The following BCAR3 variants were observed in gnomAD, a reference collection of about 807,000 sequenced individuals.
BCAR3 encodes the protein breast cancer anti-estrogen resistance protein 3.
BCAR3 carries 37 observed loss-of-function variants against 80.1 expected under a neutral mutation model. That is an observed-to-expected ratio of 0.46 (90% CI 0.36 to 0.61). The LOEUF (loss-of-function observed/expected upper bound fraction) is 0.61, where lower values mean the gene tolerates loss of function less well. Among genes scored for constraint, BCAR3 ranks in the 20% least tolerant of loss-of-function variants. The probability of loss-of-function intolerance (pLI) is 0.00; values close to 1 mark genes in which losing one functional copy is unlikely to be tolerated. For missense variants in BCAR3, 978 were observed against 1,068.2 expected, an observed-to-expected ratio of 0.92 and a Z score of 1.18; for synonymous variants, 389 against 418.9, an observed-to-expected ratio of 0.93 and a Z score of 0.87.
chr1:93,722,323 T>C (rs375407019), intron 2 of BCAR3, among the ~76,000 whole-genome samples: 2 of 152,240 alleles, frequency 1.3e-5, no homozygotes, highest in African/African-American at 2.4e-5. Flanking sequence ...CTATTTTAGG[T>C]AGCAGTCAAA....
chr1:93,746,163 GT>G (rs1392875456), intron 2 of BCAR3, among the ~76,000 whole-genome samples: 2 of 152,224 alleles, frequency 1.3e-5, no homozygotes, highest in Non-Finnish European at 2.9e-5. Context: ...GTAAGAAGAT[GT>G]CAAGAGCATC....
At chr1:93,767,549 T>A (rs1652198584) in intron 2 of BCAR3, among the ~76,000 whole-genome samples, 1 of 151,990 alleles carries the variant, frequency 6.6e-6, no homozygotes, top group Non-Finnish European at 1.5e-5. Flanking sequence ...AAGTTTATAC[T>A]TTTTGTGTTT....
chr1:93,711,347 G>A (rs1650016267), intron 2 of BCAR3, among the ~76,000 whole-genome samples: 1 of 152,180 alleles, frequency 6.6e-6, no homozygotes. Context: ...TGTCTGTCAG[G>A]TGACTGACCA....
chr1:93,749,378 C>T (rs370094673), intron 2 of BCAR3, among the ~76,000 whole-genome samples: 31 of 151,820 alleles, frequency 2.0e-4, no homozygotes, highest in African/African-American at 6.3e-4. Context: ...CATGAGGTCA[C>T]GAGATCGAGA....
intron 3 of BCAR3, among the ~76,000 whole-genome samples, chr1:93,640,863 T>A (rs1675954456): frequency 6.6e-6 from 1 of 152,144 alleles, no homozygotes; most frequent in African/African-American, 2.4e-5. Flanking sequence ...GACTGGCCCG[T>A]GGTAGGAGAT....
At chr1:93,709,875 T>C (rs1025109920) in intron 2 of BCAR3, among the ~76,000 whole-genome samples, 2 of 152,090 alleles carry the variant, frequency 1.3e-5, no homozygotes, top group East Asian at 1.9e-4. Context: ...CATCATGTAA[T>C]TTTTTCATAT....
Position 93,567,329 on chromosome 1 carries a change from A to G in BCAR3, c.2249T>C (p.Met750Thr), listed in dbSNP as rs746946088. 2.5e-6 allele frequency: 4 copies of G among 1,614,164 alleles called. No individual in the cohort carries two copies. Among genetic ancestry groups the G allele is most frequent in the East Asian group, 2.2e-5 (1 of 44,870 alleles). Residue 750 changes from methionine (M) to threonine (T), a missense_variant, in exon 11 of 12, where the codon ATG (methionine) becomes ACG (threonine). Transcript: ENST00000260502. ...CCGGTAGCTGTCTGCAGCCTCGGCCATGAATCGCGCTGTTGCCAAATGGTT... is the reference window on the plus strand; with the variant it reads ...CCGGTAGCTGTCTGCAGCCTCGGCCGTGAATCGCGCTGTTGCCAAATGGTT... ...MLNHLATARFMAEAADSYRMN... is the reference protein window; with the variant it reads ...MLNHLATARFTAEAADSYRMN...
At chr1:93,733,388 G>A (rs142814242) in intron 2 of BCAR3, among the ~76,000 whole-genome samples, 2,080 of 152,276 alleles carry the variant, frequency 0.014, 25 homozygotes, top group Non-Finnish European at 0.022. Context: ...CAGTGGAGGG[G>A]GATTAAGGAC....
chr1:93,679,259 G>C (rs1039821105), intron 1 of BCAR3, among the ~76,000 whole-genome samples: 2 of 152,198 alleles, frequency 1.3e-5, no homozygotes, highest in African/African-American at 4.8e-5. Flanking sequence ...GCAGGACAGG[G>C]GCTGCTCTTA....
chr1:93,844,429 C>T (rs1321534841), intron 2 of BCAR3, among the ~76,000 whole-genome samples: 2 of 152,198 alleles, frequency 1.3e-5, no homozygotes, highest in African/African-American at 4.8e-5. Flanking sequence ...ATAACCCATG[C>T]TTTGACTCCC....
At chr1:93,735,392 G>A (rs965891917) in intron 2 of BCAR3, among the ~76,000 whole-genome samples, 1 of 152,196 alleles carries the variant, frequency 6.6e-6, no homozygotes, top group Non-Finnish European at 1.5e-5. Flanking sequence ...ACTCAAAGCC[G>A]TGAGCTCTGT....
intron 5 of BCAR3, 73 bp downstream of exon 5, chr1:93,588,904 A>G: frequency 7.1e-7 from 1 of 1,417,242 alleles, no homozygotes; most frequent in Non-Finnish European, 9.5e-7. Flanking sequence ...TCCATGATGA[A>G]TTCTTCACCT....
At chr1:93,637,009 T>C (rs1171424285) in intron 3 of BCAR3, among the ~76,000 whole-genome samples, 1 of 151,988 alleles carries the variant, frequency 6.6e-6, no homozygotes, top group Non-Finnish European at 1.5e-5. Flanking sequence ...GGTGGGAGGA[T>C]TGCTTGAGCC....
intron 3 of BCAR3, among the ~76,000 whole-genome samples, chr1:93,701,599 C>G (rs570354282): frequency 4.6e-5 from 7 of 152,346 alleles, no homozygotes; most frequent in South Asian, 2.1e-4. Flanking sequence ...AGACACTGCA[C>G]AGACCAACCA....
chr1:93,665,496 C>T (rs1182676505), intron 2 of BCAR3, among the ~76,000 whole-genome samples: 2 of 152,096 alleles, frequency 1.3e-5, no homozygotes, highest in Non-Finnish European at 2.9e-5. Flanking sequence ...CTGCTGACTC[C>T]CTGGAACAAA....
chr1:93,796,521 C>A (rs989592068), intron 2 of BCAR3, among the ~76,000 whole-genome samples: 4 of 150,508 alleles, frequency 2.7e-5, no homozygotes, highest in Non-Finnish European at 5.9e-5. Flanking sequence ...GGCTCGCGCA[C>A]GGTGCGCGCA....
At chr1:93,580,072 C>T (rs887003824) in intron 7 of BCAR3, among the ~76,000 whole-genome samples, 12 of 152,326 alleles carry the variant, frequency 7.9e-5, no homozygotes, top group Admixed American at 3.9e-4. Flanking sequence ...AGTCCACCCT[C>T]AGCCCCACCT....
At chr1:93,584,442 T>C (rs1033576623) in intron 5 of BCAR3, among the ~76,000 whole-genome samples, 15 of 152,092 alleles carry the variant, frequency 9.9e-5, no homozygotes, top group Non-Finnish European at 1.8e-4. Flanking sequence ...CCCGGGAAAA[T>C]CTGATGAACT....
chr1:93,833,355 T>C (rs550210340), intron 2 of BCAR3, among the ~76,000 whole-genome samples: 1 of 152,238 alleles, frequency 6.6e-6, no homozygotes, highest in South Asian at 2.1e-4. Flanking sequence ...ACTAATGAAG[T>C]TCCATGTCCC....
Sources: allele counts gnomAD v4.1 joint callset (sites outside exome capture counted in the v4.1 genomes callset), GRCh38; gene constraint gnomAD v4.1.1; transcripts MANE v1.5; gene names NCBI Gene and HGNC (gene_info 2026-07-23, HGNC 2026-07-21).